Variants in TNN observed in about 807,000 individuals in gnomAD.
TNN encodes the protein tenascin-N.
A neutral mutation model predicts 134.4 loss-of-function variants in TNN; 122 were observed. The observed-to-expected ratio is 0.91, with a 90% CI of 0.78 to 1.06. TNN has a LOEUF of 1.06. TNN is among the 50% of genes least tolerant of loss of function. The pLI is 0.00. For missense variants in TNN, 1,739 were observed against 1,699.4 expected (o/e 1.02, Z -0.41); for synonymous variants, 710 against 670.3 (o/e 1.06, Z -0.91).
At chr1:175,131,861 T>G (rs867100237) in intron 15 of TNN, among the ~76,000 whole-genome samples, 1 of 150,886 alleles carries the variant, frequency 6.6e-6, no homozygotes, top group African/African-American at 2.4e-5. Flanking sequence ...AAAACAGTGA[T>G]GCAAAGAGCA....
In TNN at chr1:175,097,612, A is replaced by C. The variant is rs1256548414; in HGVS notation, c.1784A>C (p.Glu595Ala). Reference sequence around the variant, plus strand: ...CTGACAGGCCTGAGGCCAGGTGTGGAGTACACAGTGCATGTCTGGGCCCAG... The same window carrying C: ...CTGACAGGCCTGAGGCCAGGTGTGGCGTACACAGTGCATGTCTGGGCCCAG... ...TVLTGLRPGV[E>A]YTVHVWAQKG... is the part of the protein sequence containing the mutation. The change falls in exon 8 of 19, where the codon GAG (glutamate) becomes GCG (alanine). Residue 595 changes from glutamate to alanine, a missense_variant. Coordinates refer to ENST00000239462, the MANE Select transcript of TNN (RefSeq NM_022093.2). 4 of 1,614,212 alleles carry C rather than the reference A, an allele frequency of 2.5e-6. No homozygotes were observed. Among genetic ancestry groups the C allele is most frequent in the Non-Finnish European group, 3.4e-6 (4 of 1,180,034 alleles).
chr1:175,118,870 T>C, intron 11 of TNN, 46 bp downstream of exon 11: 3 of 1,607,454 alleles, frequency 1.9e-6, no homozygotes, highest in Non-Finnish European at 2.5e-6. Flanking sequence ...TAGCTGCAGG[T>C]TGATCTATTG....
At chr1:175,123,272 C>T in intron 11 of TNN, 128 bp from the exon 12 acceptor site, 14 of 1,129,670 alleles carry the variant, frequency 1.2e-5, no homozygotes, top group Non-Finnish European at 1.4e-5. Flanking sequence ...GGGCCTTTGA[C>T]TCGTGTTTTA....
At position 175,080,423 on chromosome 1, in the gene TNN, A is replaced by G. The variant is rs759308716; in HGVS notation, c.1045A>G (p.Thr349Ala). ...SSSPQHLLATTDLAVLGTAWV... is the reference protein window; with the variant it reads ...SSSPQHLLATADLAVLGTAWV... Reference sequence around the variant, plus strand: ...CAGCCCACAGCATCTACTTGCCACCACAGGTGAGGAAGCCACCTGATGCCC... The same window carrying G: ...CAGCCCACAGCATCTACTTGCCACCGCAGGTGAGGAAGCCACCTGATGCCC... Residue 349 changes from threonine (T) to alanine (A), a missense_variant, in exon 4 of 19, where the codon ACA becomes GCA. Thr to Ala is a moderately conservative substitution (Grantham distance 58). Coordinates refer to ENST00000239462, the MANE Select transcript of TNN (RefSeq NM_022093.2). The G allele has an allele frequency of 5.6e-6, 9 of 1,613,754 alleles. No homozygotes were observed. Among genetic ancestry groups the G allele is most frequent in the Non-Finnish European group, 7.6e-6 (9 of 1,179,694 alleles).
intron 6 of TNN, among the ~76,000 whole-genome samples, chr1:175,085,701 C>A (rs182057799): frequency 1.3e-5 from 2 of 151,970 alleles, no homozygotes; most frequent in African/African-American, 4.8e-5. Context: ...ATGGAGAAAC[C>A]CTGTCTCTAC....
At chr1:175,121,960 C>T (rs1471897601) in intron 11 of TNN, among the ~76,000 whole-genome samples, 4 of 152,156 alleles carry the variant, frequency 2.6e-5, no homozygotes, top group East Asian at 3.9e-4. Context: ...GGCCAGGCAC[C>T]GTGGTGGAGA....
intron 1 of TNN, among the ~76,000 whole-genome samples, chr1:175,075,117 ATTC>A (rs887639466): frequency 6.6e-6 from 1 of 152,168 alleles, no homozygotes; most frequent in African/African-American, 2.4e-5. Flanking sequence ...TGCTATTGTG[ATTC>A]TTCTTCTTCT....
chr1:175,079,091 G>A (rs952837859), intron 2 of TNN, among the ~76,000 whole-genome samples: 4 of 152,298 alleles, frequency 2.6e-5, no homozygotes, highest in African/African-American at 9.6e-5. Context: ...GGCAGAGAAA[G>A]AAGGAGACGT....
chr1:175,114,031 T>A (rs1434055007), intron 9 of TNN, among the ~76,000 whole-genome samples: 1 of 152,202 alleles, frequency 6.6e-6, no homozygotes, highest in Non-Finnish European at 1.5e-5. Context: ...TATTTTGAAT[T>A]CCTTTTCTGA....
chr1:175,085,388 T>C lies in TNN; in HGVS notation c.1235-17T>C. 6.4e-7 allele frequency: 1 copy of C among 1,564,868 alleles called. No homozygotes were observed. ...TGGAGCCTGCACTCACATCCTGCGC[T>C]GCCTGCTTGTTTCCAGGTCTGCACC... On this transcript the variant is annotated splice_polypyrimidine_tract_variant and intron_variant, in intron 5 of 18. Transcript: ENST00000239462.
rs147467900 is a variant in TNN, at chr1:175,098,402, G to A, written c.1926G>A (p.Pro642=). 1,078 of 1,614,160 alleles carry A rather than the reference G, an allele frequency of 6.7e-4. 3 individuals carry two copies. The highest frequency in any genetic ancestry group is 3.8e-3 in the Middle Eastern group (23 of 6,062). The change falls in exon 9 of 19, where the codon CCG becomes CCA. Residue 642 remains proline (P), a synonymous_variant. Transcript: ENST00000239462. ...ATATGGCCACGGTCTCCTGGGACCC[G>A]GTGCAGGCCGCCATTGACAAGTACG... The part of the protein sequence containing the change: ...TENMATVSWD[P]VQAAIDKYVV...
rs573971686 is a variant in TNN at position 175,137,137 on chromosome 1, G to A, written c.3595+149G>A. ...ACAGTGGAGGTCCTACTCTCTGCAG[G>A]GGGTCAGGAGTGAACAAATAGTTGA... On this transcript the variant is annotated intron_variant, in intron 17 of 18. Transcript: ENST00000239462. 4.7e-5 allele frequency: 39 copies of A among 828,202 alleles called. No individual in the cohort carries two copies. In the East Asian group the frequency reaches 1.1e-3, roughly 22 times the overall value. 51.3% of individuals were successfully genotyped at this position (828,202 alleles called of 1,614,324 possible). A position where few individuals can be genotyped will look rare whatever the true frequency, so the allele number is the denominator to read the frequency against.
chr1:175,122,165 T>C (rs1450805571), intron 11 of TNN, among the ~76,000 whole-genome samples: 3 of 149,366 alleles, frequency 2.0e-5, no homozygotes, highest in African/African-American at 7.4e-5. Flanking sequence ...CTGAGGTAGG[T>C]GAATTGCTTG....
chr1:175,095,579 T>G (rs1336024259), intron 7 of TNN, among the ~76,000 whole-genome samples: 1 of 152,158 alleles, frequency 6.6e-6, no homozygotes, highest in Non-Finnish European at 1.5e-5. Context: ...TGTTTGTTTG[T>G]TTTGTTTTGT....
intron 1 of TNN, among the ~76,000 whole-genome samples, chr1:175,074,412 G>A (rs1412284265): frequency 6.6e-6 from 1 of 150,900 alleles, no homozygotes; most frequent in Non-Finnish European, 1.5e-5. Flanking sequence ...TGGAGCCCAG[G>A]AGGTGGACAT....
At chr1:175,121,979 T>A (rs944217162) in intron 11 of TNN, among the ~76,000 whole-genome samples, 7 of 152,348 alleles carry the variant, frequency 4.6e-5, no homozygotes, top group African/African-American at 1.2e-4. Context: ...GATGCAGTTG[T>A]ATAAACTAGT....
In TNN at chr1:175,092,661, A is replaced by G. The variant is rs545627811; in HGVS notation, c.1325-1329A>G. Among the ~76,000 whole-genome samples the G allele has an allele frequency of 1.2e-4, 19 of 152,322 alleles. No homozygotes were observed. The East Asian group carries it at 3.7e-3, about 29-fold the overall frequency. The stretch of plus-strand genomic sequence containing the variant: ...TCTTTGTTAGATAAGAATGAGTTCA[A>G]ATCTTGGCTCTACCACTTAATGTAT... On this transcript the variant is annotated intron_variant, in intron 6 of 18. Transcript: ENST00000239462.
At chr1:175,115,107 G>A (rs1271089746) in intron 9 of TNN, among the ~76,000 whole-genome samples, 2 of 152,058 alleles carry the variant, frequency 1.3e-5, no homozygotes, top group Non-Finnish European at 1.5e-5. Context: ...GTAGGGTGGG[G>A]TGTCTTAGCC....
chr1:175,115,371 G>A lies in TNN; in HGVS notation c.2120-1568G>A, dbSNP rs149132440. Among the ~76,000 whole-genome samples, 182 of 152,272 alleles carry A rather than the reference G, an allele frequency of 1.2e-3. 2 individuals carry two copies. The highest frequency in any genetic ancestry group is 0.01 in the South Asian group (49 of 4,824). On this transcript the variant is annotated intron_variant, in intron 9 of 18. Transcript: ENST00000239462. ...GTGCAGTTTCAGCTCAGGCCCCTAC[G>A]AGTAGAGTGCTGCCTAGTGTGACAG...
Sources: allele counts gnomAD v4.1 joint callset (sites outside exome capture counted in the v4.1 genomes callset), GRCh38; gene constraint gnomAD v4.1.1; transcripts MANE v1.5; gene names NCBI Gene and HGNC (gene_info 2026-07-23, HGNC 2026-07-21).